PPP6R2: variants seen among roughly 807,000 people sequenced by gnomAD.
The protein encoded by PPP6R2 is protein phosphatase 6 regulatory subunit 2.
A neutral mutation model predicts 100.2 loss-of-function variants in PPP6R2; 62 were observed. The ratio of observed to expected loss-of-function variants is 0.62; its 90% CI spans 0.50 to 0.76. The LOEUF is 0.76. Among genes scored for constraint, PPP6R2 ranks in the 30% least tolerant of loss-of-function variants. The probability of loss-of-function intolerance (pLI) is 0.00; values close to 1 mark genes in which losing one functional copy is unlikely to be tolerated. For missense variants in PPP6R2, 1,142 were observed against 1,276.3 expected, an observed-to-expected ratio of 0.89 and a Z score of 1.60; for synonymous variants, 525 against 514.7, an observed-to-expected ratio of 1.02 and a Z score of -0.27.
At chr22:50,334,949 T>C in the PPP6R2 span, among the ~76,000 whole-genome samples, 1 of 151,896 alleles carries the variant, frequency 6.6e-6, no homozygotes, top group East Asian at 1.9e-4. Flanking sequence ...AGACTCTGTG[T>C]CAAAAAACAA....
chr22:50,357,254 ATAAAT>A (rs1240657133), intron 1 of PPP6R2, among the ~76,000 whole-genome samples: 1 of 152,174 alleles, frequency 6.6e-6, no homozygotes, highest in Admixed American at 6.6e-5. Context: ...GTTTACAAAA[ATAAAT>A]TCTGGTTACA....
At chr22:50,378,902 G>A (rs1281268132) in intron 2 of PPP6R2, among the ~76,000 whole-genome samples, 1 of 151,214 alleles carries the variant, frequency 6.6e-6, no homozygotes, top group Non-Finnish European at 1.5e-5. Context: ...AAAAAAAAAG[G>A]TGAGGCCTAG....
At position 50,419,344 on chromosome 22, in the gene PPP6R2, A is replaced by G. The variant is rs1603336022; in HGVS notation, c.732-5A>G. 6.2e-7 allele frequency: 1 copy of G among 1,609,784 alleles called. No homozygotes were observed. The highest frequency in any genetic ancestry group is 8.5e-7 in the Non-Finnish European group (1 of 1,176,092). ...CAGGCAGTGACCTCTGTGTGTGTCC[A>G]GCAGGCAGGACTGTGTGGAGCAGCT... On this transcript the variant is annotated splice_region_variant and splice_polypyrimidine_tract_variant and intron_variant, in intron 7 of 23. Transcript: ENST00000612753.
At chr22:50,439,602 C>T in intron 19 of PPP6R2, 99 bp from the exon 20 acceptor site, 1 of 1,340,272 alleles carries the variant, frequency 7.5e-7, no homozygotes, top group Non-Finnish European at 9.9e-7. Context: ...ATCTTCCTGT[C>T]AACCTCTGAG....
intron 19 of PPP6R2, among the ~76,000 whole-genome samples, 197 bp from the exon 20 acceptor site, chr22:50,439,504 G>A (rs1306283382): frequency 6.6e-6 from 1 of 152,192 alleles, no homozygotes; most frequent in African/African-American, 2.4e-5. Context: ...CATGGGTGTC[G>A]GCAGCTTGTC....
chr22:50,396,906 T>A (rs373031399), intron 3 of PPP6R2, among the ~76,000 whole-genome samples: 29 of 152,252 alleles, frequency 1.9e-4, no homozygotes, highest in African/African-American at 6.7e-4. Context: ...TGGCTTCTGG[T>A]CACACCTGCT....
At chr22:50,354,045 C>G (rs544480430) in intron 1 of PPP6R2, among the ~76,000 whole-genome samples, 1 of 152,264 alleles carries the variant, frequency 6.6e-6, no homozygotes, top group Admixed American at 6.5e-5. Context: ...TGGCTCATGC[C>G]TGTAATCTCA....
At chr22:50,420,216 C>T (rs1207184934) in intron 8 of PPP6R2, among the ~76,000 whole-genome samples, 2 of 152,176 alleles carry the variant, frequency 1.3e-5, no homozygotes, top group African/African-American at 4.8e-5. Context: ...GGTGGAGCCT[C>T]GCAGTCAGGG....
intron 4 of PPP6R2, among the ~76,000 whole-genome samples, chr22:50,413,182 G>T (rs1603298096): frequency 6.7e-6 from 1 of 149,096 alleles, no homozygotes; most frequent in African/African-American, 2.5e-5. Context: ...CTCGACCTCA[G>T]TCTGGTCTGA....
At position 50,438,301 on chromosome 22, in the gene PPP6R2, G is replaced by A; in HGVS notation, c.1964+3G>A. 1 of 1,609,998 alleles carries A rather than the reference G, an allele frequency of 6.2e-7. No individual in the cohort carries two copies. The highest frequency in any genetic ancestry group is 8.5e-7 in the Non-Finnish European group (1 of 1,178,178). ...GCCCGGGTGATGGCCAGACCCAGGTGCGGGGCCTGCCCATCCCCACAAAGC... is the reference window on the plus strand; with the variant it reads ...GCCCGGGTGATGGCCAGACCCAGGTACGGGGCCTGCCCATCCCCACAAAGC... On this transcript the variant is annotated splice_donor_region_variant and intron_variant, in intron 18 of 23. Transcript: ENST00000612753.
At chr22:50,427,955 C>T (rs1302708358) in intron 10 of PPP6R2, among the ~76,000 whole-genome samples, 1 of 150,642 alleles carries the variant, frequency 6.6e-6, no homozygotes, top group Non-Finnish European at 1.5e-5. Flanking sequence ...CTCCTGACCT[C>T]GTGATCCGCC....
In PPP6R2 at chr22:50,402,939, G is replaced by A. The variant is rs549521605; in HGVS notation, c.228-3750G>A. 3.9e-4 allele frequency among the ~76,000 whole-genome samples: 60 copies of A among 152,360 alleles called. No individual in the cohort carries two copies. In the South Asian group the frequency reaches 0.012, roughly 31 times the overall value. On this transcript the variant is annotated intron_variant, in intron 3 of 23. Transcript: ENST00000612753. ...AGACAAGATGAGTTTGGAGCTGGGTGTGGTGGCTCACGCCTGTAATCCCAG... is the reference window on the plus strand; with the variant it reads ...AGACAAGATGAGTTTGGAGCTGGGTATGGTGGCTCACGCCTGTAATCCCAG...
intron 2 of PPP6R2, among the ~76,000 whole-genome samples, chr22:50,376,506 TC>T (rs2051590638): frequency 2.0e-5 from 3 of 152,090 alleles, no homozygotes; most frequent in African/African-American, 7.2e-5. Context: ...CACTGCAACT[TC>T]CGCCTCCTGG....
intron 2 of PPP6R2, among the ~76,000 whole-genome samples, chr22:50,375,047 T>G (rs1486634484): frequency 6.6e-6 from 1 of 151,864 alleles, no homozygotes; most frequent in Non-Finnish European, 1.5e-5. Flanking sequence ...GAACATTAGC[T>G]AGGTTGACAA....
upstream of PPP6R2, among the ~76,000 whole-genome samples, chr22:50,338,689 TGTGTGTG>T (rs2042331850): frequency 7.5e-6 from 1 of 133,796 alleles, no homozygotes; most frequent in Admixed American, 7.4e-5. Context: ...TAGTATGTGG[TGTGTGTG>T]GTGTGTGTAG....
At chr22:50,436,019 T>A (rs2064174379) in intron 13 of PPP6R2, among the ~76,000 whole-genome samples, 1 of 152,148 alleles carries the variant, frequency 6.6e-6, no homozygotes, top group East Asian at 1.9e-4. Flanking sequence ...CTTTCTCAGA[T>A]TCTGTTCCAC....
chr22:50,428,839 G>A (rs5771043), intron 10 of PPP6R2, among the ~76,000 whole-genome samples: 50,909 of 152,020 alleles, frequency 0.33, 9,106 homozygotes, highest in East Asian at 0.67. Context: ...TGCTCTGGCT[G>A]GGACTGCTAA....
At chr22:50,358,061 C>G (rs2148268526) in intron 1 of PPP6R2, among the ~76,000 whole-genome samples, 1 of 152,208 alleles carries the variant, frequency 6.6e-6, no homozygotes, top group South Asian at 2.1e-4. Flanking sequence ...ATCCTCCCAC[C>G]TCAGCCTCCC....
chr22:50,403,074 A>G (rs2058303235), intron 3 of PPP6R2, among the ~76,000 whole-genome samples: 1 of 152,124 alleles, frequency 6.6e-6, no homozygotes, highest in African/African-American at 2.4e-5. Flanking sequence ...TTAGCCGAGC[A>G]TGGTGGTGCA....
Sources: gnomAD v4.1 joint callset for allele counts (sites outside exome capture counted in the v4.1 genomes callset) on GRCh38, gnomAD v4.1.1 for gene constraint, MANE v1.5 for transcripts, NCBI Gene and HGNC (gene_info 2026-07-23, HGNC 2026-07-21) for gene names.